SPATA6: variants seen among roughly 807,000 people sequenced by gnomAD.
SPATA6 encodes the protein spermatogenesis-associated protein 6.
SPATA6 carries 56 observed loss-of-function variants against 65.3 expected under a neutral mutation model. The ratio of observed to expected loss-of-function variants is 0.86; its 90% CI spans 0.69 to 1.07. The LOEUF (loss-of-function observed/expected upper bound fraction) is 1.07. SPATA6 is among the 50% of genes least tolerant of loss of function. The probability of loss-of-function intolerance (pLI) is 0.00; values close to 1 mark genes in which losing one functional copy is unlikely to be tolerated. For synonymous variants in SPATA6, 199 were observed against 213.2 expected, an observed-to-expected ratio of 0.93 and a Z score of 0.58; for missense variants, 590 against 594.8, an observed-to-expected ratio of 0.99 and a Z score of 0.08.
Position 48,369,609 on chromosome 1 carries a change from C to T in SPATA6, c.910-9839G>A, listed in dbSNP as rs145556177. The stretch of plus-strand genomic sequence containing the variant: ...TGTGGGATATAATCTCCTGGTGTGC[C>T]GTTTTTTAAGCCCGTCGGAAAAGCG... On this transcript the variant is annotated intron_variant, in intron 9 of 12. Coordinates refer to ENST00000371847, the MANE Select transcript of SPATA6 (RefSeq NM_019073.4). Among the ~76,000 whole-genome samples the T allele has an allele frequency of 1.9e-3, 289 of 152,278 alleles. 1 individual carries two copies. Among genetic ancestry groups the T allele is most frequent in the African/African-American group, 5.8e-3 (242 of 41,562 alleles).
intron 3 of SPATA6, 130 bp downstream of exon 3, chr1:48,451,422 G>A: frequency 1.6e-6 from 1 of 638,294 alleles, no homozygotes; most frequent in African/African-American, 1.9e-5. Flanking sequence ...GTATTAAAAA[G>A]TCTCAGCTCA....
At chr1:48,440,258 G>A (rs1473331567) in intron 3 of SPATA6, among the ~76,000 whole-genome samples, 1 of 152,172 alleles carries the variant, frequency 6.6e-6, no homozygotes, top group African/African-American at 2.4e-5. Context: ...CTGATTTACA[G>A]CAGATCAAGG....
chr1:48,400,299 A>C (rs1280739100), intron 6 of SPATA6, among the ~76,000 whole-genome samples: 1 of 151,980 alleles, frequency 6.6e-6, no homozygotes, highest in African/African-American at 2.4e-5. Context: ...TAGGAATATA[A>C]AAAGCATTAT....
At chr1:48,365,798 C>T (rs1030063974) in intron 9 of SPATA6, among the ~76,000 whole-genome samples, 14 of 152,128 alleles carry the variant, frequency 9.2e-5, no homozygotes, top group African/African-American at 3.4e-4. Context: ...CTTCTCCTGC[C>T]TAATTGCCCT....
chr1:48,440,541 G>A (rs566448977), intron 3 of SPATA6, among the ~76,000 whole-genome samples: 6 of 152,232 alleles, frequency 3.9e-5, no homozygotes, highest in East Asian at 3.9e-4. Context: ...CTGGGACGTC[G>A]ACTCCGATCA....
At chr1:48,434,437 T>C (rs960310146) in intron 3 of SPATA6, among the ~76,000 whole-genome samples, 2 of 152,176 alleles carry the variant, frequency 1.3e-5, no homozygotes, top group Admixed American at 1.3e-4. Context: ...AAAAATATTA[T>C]TAGCATACCC....
At chr1:48,384,699 CT>C (rs1425650456) in intron 9 of SPATA6, among the ~76,000 whole-genome samples, 1 of 152,080 alleles carries the variant, frequency 6.6e-6, no homozygotes, top group Non-Finnish European at 1.5e-5. Context: ...ATTGGTATAT[CT>C]TTTACACCTC....
chr1:48,437,708 T>C (rs1030950524), intron 3 of SPATA6, among the ~76,000 whole-genome samples: 2 of 152,200 alleles, frequency 1.3e-5, no homozygotes, highest in African/African-American at 4.8e-5. Context: ...CCTTTTTTCT[T>C]CTGTTAATAC....
chr1:48,286,367 G>C, the SPATA6 span, among the ~76,000 whole-genome samples: 5 of 152,018 alleles, frequency 3.3e-5, no homozygotes, highest in Non-Finnish European at 7.4e-5. Flanking sequence ...ATGATTCTCA[G>C]CATTAAAATC....
At chr1:48,457,523 C>T (rs1657102762) in intron 1 of SPATA6, among the ~76,000 whole-genome samples, 1 of 152,190 alleles carries the variant, frequency 6.6e-6, no homozygotes, top group South Asian at 2.1e-4. Flanking sequence ...ATTCAGCAGG[C>T]ATCAATAATC....
chr1:48,425,566 AG>A (rs1371350119), intron 3 of SPATA6, among the ~76,000 whole-genome samples: 1 of 152,208 alleles, frequency 6.6e-6, no homozygotes, highest in East Asian at 1.9e-4. Context: ...GCAAAACTTA[AG>A]CTACAGTAAT....
At chr1:48,324,077 G>A (rs546144517) in intron 11 of SPATA6, among the ~76,000 whole-genome samples, 9 of 152,000 alleles carry the variant, frequency 5.9e-5, no homozygotes, top group South Asian at 2.1e-4. Flanking sequence ...AGCCTCCCAA[G>A]TAGCTAGGAC....
rs138824663 is a variant in SPATA6 at position 48,401,863 on chromosome 1, C to G, written c.486+1939G>C. On this transcript the variant is annotated intron_variant, in intron 6 of 12. Transcript: ENST00000371847. ...AATGAGGTCTGTAATACAACCAAAG[C>G]TATGTGATACAGCAGATTAACAAAT... 5.3e-3 allele frequency among the ~76,000 whole-genome samples: 804 copies of G among 152,192 alleles called. 21 individuals are homozygous for G. The highest frequency in any genetic ancestry group is 0.05 in the South Asian group (242 of 4,814).
the SPATA6 span, among the ~76,000 whole-genome samples, chr1:48,282,423 A>G: frequency 2.6e-5 from 4 of 152,172 alleles, no homozygotes; most frequent in Admixed American, 2.0e-4. Flanking sequence ...GAAAATTTTC[A>G]CAACCTACTC....
chr1:48,389,175 G>T (rs1649800121), intron 8 of SPATA6, among the ~76,000 whole-genome samples: 1 of 152,088 alleles, frequency 6.6e-6, no homozygotes, highest in African/African-American at 2.4e-5. Flanking sequence ...ATCAACAATA[G>T]ACTAAACCAA....
chr1:48,470,739 G>C lies in SPATA6; in HGVS notation c.51+1219C>G, dbSNP rs560977506. 5.4e-4 allele frequency among the ~76,000 whole-genome samples: 82 copies of C among 152,240 alleles called. No homozygotes were observed. The South Asian group carries it at 7.9e-3, about 15-fold the overall frequency. On this transcript the variant is annotated intron_variant, in intron 1 of 12. Coordinates refer to ENST00000371847, the MANE Select transcript of SPATA6 (RefSeq NM_019073.4). Reference sequence around the variant, plus strand: ...AGGAAAGGCGGGAAGCTGCAAGCACGGGTTAAGTGGAGCCTGGCCAGTAGG... The same window carrying C: ...AGGAAAGGCGGGAAGCTGCAAGCACCGGTTAAGTGGAGCCTGGCCAGTAGG...
chr1:48,273,397 G>C, the SPATA6 span, among the ~76,000 whole-genome samples: 1 of 152,032 alleles, frequency 6.6e-6, no homozygotes, highest in Non-Finnish European at 1.5e-5. Context: ...GAATGTGCAG[G>C]TTTGTTACAT....
the SPATA6 span, among the ~76,000 whole-genome samples, chr1:48,279,210 T>C: frequency 0.14 from 21,291 of 152,080 alleles, 1,678 homozygotes; most frequent in African/African-American, 0.2. Context: ...ACAACCGGTA[T>C]CAGCCACTGC....
intron 11 of SPATA6, among the ~76,000 whole-genome samples, chr1:48,318,710 G>A (rs1645512159): frequency 6.6e-6 from 1 of 152,058 alleles, no homozygotes; most frequent in Admixed American, 6.6e-5. Context: ...AAATGATCTA[G>A]AGAGCTAACA....
Sources: allele counts gnomAD v4.1 joint callset (sites outside exome capture counted in the v4.1 genomes callset), GRCh38; gene constraint gnomAD v4.1.1; transcripts MANE v1.5; gene names NCBI Gene and HGNC (gene_info 2026-07-23, HGNC 2026-07-21).